HBS1L: variants seen among roughly 807,000 people sequenced by gnomAD.
HBS1L encodes the protein HBS1-like protein.
A neutral mutation model predicts 88.9 loss-of-function variants in HBS1L; 55 were observed. That is an observed-to-expected ratio of 0.62 (90% CI 0.50 to 0.77). HBS1L has a LOEUF of 0.77. HBS1L is among the 30% of genes least tolerant of loss of function. The pLI, the probability that HBS1L is intolerant of heterozygous loss-of-function variation, is 0.00. For missense variants in HBS1L, 741 were observed against 829.3 expected, an observed-to-expected ratio of 0.89 and a Z score of 1.31; for synonymous variants, 267 against 288.5, an observed-to-expected ratio of 0.93 and a Z score of 0.76.
At chr6:135,050,796 G>C in intron 1 of HBS1L, 149 bp from the exon 2 acceptor site, 1 of 587,570 alleles carries the variant, frequency 1.7e-6, no homozygotes, top group Non-Finnish European at 3.0e-6. Context: ...AAACTCTTAA[G>C]AATTTCACCC....
intron 5 of HBS1L, 99 bp from the exon 6 acceptor site, chr6:134,997,755 G>A: frequency 3.6e-6 from 4 of 1,118,948 alleles, no homozygotes; most frequent in Non-Finnish European, 5.3e-6. Context: ...AATCCTTTAT[G>A]CTCCAGACCA....
At chr6:135,003,195 C>T (rs1028919198) in intron 4 of HBS1L, among the ~76,000 whole-genome samples, 1 of 152,056 alleles carries the variant, frequency 6.6e-6, no homozygotes, top group Non-Finnish European at 1.5e-5. Context: ...CCTACCACAC[C>T]CTTTCACAAT....
chr6:135,048,741 T>C (rs887436115), intron 2 of HBS1L, among the ~76,000 whole-genome samples: 1 of 152,206 alleles, frequency 6.6e-6, no homozygotes, highest in African/African-American at 2.4e-5. Context: ...TCTGATAAAA[T>C]AACTGGTGCA....
At chr6:134,980,925 G>C (rs192502168) in intron 13 of HBS1L, among the ~76,000 whole-genome samples, 1 of 151,972 alleles carries the variant, frequency 6.6e-6, no homozygotes, top group Admixed American at 6.6e-5. Context: ...GGTTAGAATG[G>C]AGGAAGGAGA....
intron 4 of HBS1L, chr6:135,036,707 A>G (rs998311465): frequency 1.3e-6 from 2 of 1,551,432 alleles, no homozygotes; most frequent in Admixed American, 3.9e-5. Flanking sequence ...AAAGTCTTAT[A>G]GAGGTCAAGG....
chr6:135,018,232 A>G (rs1775977328), intron 4 of HBS1L, among the ~76,000 whole-genome samples: 1 of 152,106 alleles, frequency 6.6e-6, no homozygotes, highest in South Asian at 2.1e-4. Flanking sequence ...ATGTACATTC[A>G]GAAAGTACAC....
chr6:134,971,835 A>G (rs1774497439), intron 15 of HBS1L, among the ~76,000 whole-genome samples: 1 of 152,176 alleles, frequency 6.6e-6, no homozygotes, highest in Non-Finnish European at 1.5e-5. Context: ...TCAATTCCTT[A>G]TCTGTAAATA....
rs199681828 is a variant in HBS1L at position 135,020,385 on chromosome 6, CATT to C, written c.431-17546_431-17544del. 5.5e-3 allele frequency among the ~76,000 whole-genome samples: 841 copies of C among 152,002 alleles called. 5 individuals carry two copies. Among genetic ancestry groups the C allele is most frequent in the African/African-American group, 0.019 (803 of 41,522 alleles). On this transcript the variant is annotated intron_variant, in intron 4 of 17. Transcript: ENST00000367837. ...ACTTCTCAGAAACTTGTAAGGTAGA[CATT>C]ATTTTCTCATGGATAAATGGTATTT...
chr6:135,037,595 T>C (rs1464173909), intron 4 of HBS1L: 1 of 1,547,582 alleles, frequency 6.5e-7, no homozygotes, highest in East Asian at 2.4e-5. Flanking sequence ...CCCTTTATGA[T>C]TATGGTCTTT....
chr6:135,028,310 AG>A (rs1446999920), intron 4 of HBS1L, among the ~76,000 whole-genome samples: 29 of 151,868 alleles, frequency 1.9e-4, no homozygotes, highest in African/African-American at 7.0e-4. Context: ...AGACTAGAGG[AG>A]AGAAAACCAT....
chr6:135,025,971 G>C (rs1201478170), intron 4 of HBS1L, among the ~76,000 whole-genome samples: 1 of 152,174 alleles, frequency 6.6e-6, no homozygotes, highest in Non-Finnish European at 1.5e-5. Flanking sequence ...ACTGGAGGTG[G>C]CAGAATCGAG....
chr6:135,012,055 C>T (rs1775791731), intron 4 of HBS1L, among the ~76,000 whole-genome samples: 1 of 151,678 alleles, frequency 6.6e-6, no homozygotes, highest in Admixed American at 6.6e-5. Flanking sequence ...TTGCTATGTA[C>T]ACCATACTTC....
intron 4 of HBS1L, among the ~76,000 whole-genome samples, chr6:135,016,323 G>A (rs982146077): frequency 1.3e-5 from 2 of 152,180 alleles, no homozygotes; most frequent in Non-Finnish European, 2.9e-5. Flanking sequence ...TTTAATGTTT[G>A]CATTTCAGAA....
chr6:134,960,920 A>C lies in HBS1L; in HGVS notation c.*4359T>G, dbSNP rs1434246139. The C allele has an allele frequency of 6.6e-6, 1 of 152,116 alleles. No homozygotes were observed. The highest frequency in any genetic ancestry group is 1.5e-5 in the Non-Finnish European group (1 of 67,982). The allele number at this position is 152,116 out of a possible 1,614,324, so 9.4% of individuals were successfully genotyped here. A position where few individuals can be genotyped will look rare whatever the true frequency, so the allele number is the denominator to read the frequency against. On this transcript the variant is annotated 3_prime_UTR_variant, in exon 18 of 18. Transcript: ENST00000367837. ...CTTCTTTAAATCTATGGTTTTATTT[A>C]TTTACAAAATAGGAATATTTTGCAG...
chr6:134,969,365 A>T (rs1386532561), intron 15 of HBS1L, 27 bp from the exon 16 acceptor site: 2 of 1,357,404 alleles, frequency 1.5e-6, no homozygotes, highest in Non-Finnish European at 2.1e-6. Context: ...TAACACTAAA[A>T]ATCTGCTACC....
intron 4 of HBS1L, among the ~76,000 whole-genome samples, chr6:135,021,994 T>C (rs1028263538): frequency 6.6e-6 from 1 of 152,186 alleles, no homozygotes; most frequent in African/African-American, 2.4e-5. Flanking sequence ...CTGAAAGCAG[T>C]TGGCCATATA....
At chr6:134,980,564 G>C (rs1774800316) in intron 13 of HBS1L, among the ~76,000 whole-genome samples, 1 of 151,864 alleles carries the variant, frequency 6.6e-6, no homozygotes, top group African/African-American at 2.4e-5. Context: ...AACATTTGTA[G>C]ATGTTTTATA....
chr6:134,971,732 G>GA (rs952557265), intron 15 of HBS1L, among the ~76,000 whole-genome samples: 13 of 151,634 alleles, frequency 8.6e-5, no homozygotes, highest in Middle Eastern at 3.4e-3. Context: ...AGTGTAATAG[G>GA]AAAAAAAAGT....
chr6:135,008,783 C>T (rs957753078), intron 4 of HBS1L, among the ~76,000 whole-genome samples: 5 of 152,062 alleles, frequency 3.3e-5, no homozygotes, highest in African/African-American at 1.2e-4. Context: ...TCTTTAAGCA[C>T]ACTCATTATC....
Sources: gnomAD v4.1 joint callset for allele counts (sites outside exome capture counted in the v4.1 genomes callset) on GRCh38, gnomAD v4.1.1 for gene constraint, MANE v1.5 for transcripts, NCBI Gene and HGNC (gene_info 2026-07-23, HGNC 2026-07-21) for gene names.